WWTR1: variants seen among roughly 807,000 people sequenced by gnomAD.
The protein encoded by WWTR1 is WW domain containing transcription regulator 1.
Under a neutral mutation model 40.1 loss-of-function variants are expected in WWTR1, and 13 were observed. That is an observed-to-expected ratio of 0.32 (90% CI 0.21 to 0.52). The LOEUF (loss-of-function observed/expected upper bound fraction) is 0.52. Among genes scored for constraint, WWTR1 ranks in the 20% least tolerant of loss-of-function variants. The pLI is 0.97. For synonymous variants in WWTR1, 230 were observed against 210.1 expected, an observed-to-expected ratio of 1.09 and a Z score of -0.82; for missense variants, 436 against 523.1, an observed-to-expected ratio of 0.83 and a Z score of 1.63.
intron 4 of WWTR1, among the ~76,000 whole-genome samples, chr3:149,535,819 C>A (rs765647903): frequency 2.0e-5 from 3 of 152,002 alleles, no homozygotes; most frequent in Non-Finnish European, 4.4e-5. Context: ...TCGAGACCAG[C>A]CTGGCCAACA....
chr3:149,519,751 GACC>G lies in WWTR1; in HGVS notation c.*1051_*1053del. Reference sequence around the variant, plus strand: ...GAGATCAGGAGTTTGAGAACAGCCTGACCATTATGGTGAAACCCCGTCTCTACT... The same window carrying G: ...GAGATCAGGAGTTTGAGAACAGCCTGATTATGGTGAAACCCCGTCTCTACT... On this transcript the variant is annotated 3_prime_UTR_variant, in exon 7 of 7. Coordinates refer to ENST00000360632, the MANE Select transcript of WWTR1 (RefSeq NM_015472.6). The G allele has an allele frequency of 1.3e-5, 2 of 152,212 alleles. 1 individual carries two copies. Among genetic ancestry groups the G allele is most frequent in the South Asian group, 4.1e-4 (2 of 4,830 alleles). The allele number at this position is 152,212 out of a possible 1,614,324, so 9.4% of individuals were successfully genotyped here. A position where few individuals can be genotyped will look rare whatever the true frequency, so the allele number is the denominator to read the frequency against.
Position 149,520,873 on chromosome 3 carries a change from G to A in WWTR1, c.1135C>T (p.Leu379=), listed in dbSNP as rs1341991348. The change falls in exon 7 of 7, where the codon CTG becomes TTG. Residue 379 remains leucine (L), a synonymous_variant. Coordinates refer to ENST00000360632, the MANE Select transcript of WWTR1 (RefSeq NM_015472.6). ...VDLGTLESED[L]IPLFNDVESA... is the part of the protein sequence containing the mutation. ...TCTACATCATTGAAGAGGGGGATCA[G>A]GTCTTCAGATTCCAAAGTTCCTAAG... 5 of 1,613,506 alleles carry A rather than the reference G, an allele frequency of 3.1e-6. No homozygotes were observed. In the Admixed American group the frequency reaches 8.3e-5, roughly 27 times the overall value.
At chr3:149,608,362 A>G (rs531022397) in intron 2 of WWTR1, among the ~76,000 whole-genome samples, 1 of 152,106 alleles carries the variant, frequency 6.6e-6, no homozygotes, top group East Asian at 1.9e-4. Flanking sequence ...CAGTTAGCAC[A>G]TATTAGTTTC....
intron 1 of WWTR1, among the ~76,000 whole-genome samples, chr3:149,686,452 A>C (rs1438017433): frequency 2.6e-5 from 4 of 152,180 alleles, no homozygotes; most frequent in Non-Finnish European, 5.9e-5. Flanking sequence ...CCAGGAGTTC[A>C]AGGCTATGGT....
At chr3:149,612,127 G>A in intron 2 of WWTR1, among the ~76,000 whole-genome samples, 1 of 152,146 alleles carries the variant, frequency 6.6e-6, no homozygotes, top group Non-Finnish European at 1.5e-5. Flanking sequence ...TTACCACCTG[G>A]ACTGTATTCT....
chr3:149,646,706 AAAT>A (rs1712555144), intron 2 of WWTR1, among the ~76,000 whole-genome samples: 1 of 152,234 alleles, frequency 6.6e-6, no homozygotes, highest in African/African-American at 2.4e-5. Context: ...GATGACAGAT[AAAT>A]TAGATAACCG....
chr3:149,673,452 T>C (rs1344889038), intron 1 of WWTR1, among the ~76,000 whole-genome samples: 1 of 152,208 alleles, frequency 6.6e-6, no homozygotes, highest in East Asian at 1.9e-4. Flanking sequence ...ACTATTTTTA[T>C]GTTACCCCCA....
intron 2 of WWTR1, among the ~76,000 whole-genome samples, chr3:149,575,712 C>T (rs1396121642): frequency 6.6e-6 from 1 of 152,202 alleles, no homozygotes; most frequent in Non-Finnish European, 1.5e-5. Flanking sequence ...CCGTTCTGAA[C>T]AAGTGGGCTG....
At chr3:149,661,833 A>G (rs1047429093), upstream of WWTR1, among the ~76,000 whole-genome samples, 8 of 151,508 alleles carry the variant, frequency 5.3e-5, no homozygotes, top group Admixed American at 1.3e-4. Flanking sequence ...CCCGGGTTCA[A>G]GCGATTCTCC....
chr3:149,617,041 A>G (rs1489507981), intron 2 of WWTR1, among the ~76,000 whole-genome samples: 1 of 152,174 alleles, frequency 6.6e-6, no homozygotes, highest in Non-Finnish European at 1.5e-5. Flanking sequence ...TGTCCCTGAA[A>G]ATCTCCTAAC....
chr3:149,525,779 A>C (rs1735274715), intron 6 of WWTR1: 1 of 305,944 alleles, frequency 3.3e-6, no homozygotes, highest in South Asian at 1.6e-4. Context: ...GGGAGGAACA[A>C]GGGGTGAAAA....
At chr3:149,663,477 C>T (rs1160257546) in intron 2 of WWTR1, among the ~76,000 whole-genome samples, 1 of 151,976 alleles carries the variant, frequency 6.6e-6, no homozygotes, top group African/African-American at 2.4e-5. Context: ...AGGCAGATCA[C>T]CTGAGGTCAG....
intron 2 of WWTR1, among the ~76,000 whole-genome samples, chr3:149,642,705 G>GC (rs1432161345): frequency 2.0e-5 from 3 of 151,648 alleles, no homozygotes; most frequent in Admixed American, 1.3e-4. Flanking sequence ...AACCCGGGAG[G>GC]CGGAGCTTGC....
chr3:149,683,539 C>T (rs964884283), intron 1 of WWTR1, among the ~76,000 whole-genome samples: 1 of 152,020 alleles, frequency 6.6e-6, no homozygotes, highest in African/African-American at 2.4e-5. Flanking sequence ...ACTAAAAATA[C>T]AAAAATTAGC....
intron 1 of WWTR1, among the ~76,000 whole-genome samples, chr3:149,680,563 A>ACCAG (rs1166420889): frequency 4.5e-5 from 6 of 134,728 alleles, no homozygotes; most frequent in African/African-American, 8.6e-5. Context: ...CAACCAACCA[A>ACCAG]ACAAACAAAC....
At chr3:149,709,622 C>T (rs989534089) in intron 5 of WWTR1, among the ~76,000 whole-genome samples, 4 of 151,950 alleles carry the variant, frequency 2.6e-5, no homozygotes, top group Admixed American at 1.3e-4. Flanking sequence ...ACTAAGGACT[C>T]GGCCAGGAGC....
At chr3:149,561,507 A>G (rs754381279) in intron 3 of WWTR1, among the ~76,000 whole-genome samples, 15 of 152,366 alleles carry the variant, frequency 9.8e-5, no homozygotes, top group Middle Eastern at 3.4e-3. Context: ...CTTTAAATGT[A>G]CATACTCTTT....
intron 2 of WWTR1, among the ~76,000 whole-genome samples, chr3:149,599,716 T>G (rs150696832): frequency 6.6e-6 from 1 of 152,314 alleles, no homozygotes; most frequent in East Asian, 1.9e-4. Context: ...TCAAAAATTT[T>G]TTAAACTTAA....
intron 6 of WWTR1, among the ~76,000 whole-genome samples, chr3:149,523,176 G>C (rs1370904661): frequency 6.6e-6 from 1 of 151,926 alleles, no homozygotes; most frequent in East Asian, 1.9e-4. Flanking sequence ...AAGCAGCTCT[G>C]CAATCTCATA....
Sources: allele counts gnomAD v4.1 joint callset (sites outside exome capture counted in the v4.1 genomes callset), GRCh38; gene constraint gnomAD v4.1.1; transcripts MANE v1.5; gene names NCBI Gene and HGNC (gene_info 2026-07-23, HGNC 2026-07-21).